The following OPA1 variants were observed in gnomAD, a reference collection of about 807,000 sequenced individuals.
OPA1 encodes the protein dynamin-like GTPase OPA1, mitochondrial.
A neutral mutation model predicts 152.9 loss-of-function variants in OPA1; 59 were observed. That is an observed-to-expected ratio of 0.39 (90% CI 0.31 to 0.48). The LOEUF is 0.48. Ranked by LOEUF, OPA1 falls within the 20% of genes least tolerant of loss-of-function variation. The probability of loss-of-function intolerance (pLI) is 0.96; values close to 1 mark genes in which losing one functional copy is unlikely to be tolerated. For synonymous variants in OPA1, 400 were observed against 389.9 expected (o/e 1.03, Z -0.31); for missense variants, 1,008 against 1,216.8 (o/e 0.83, Z 2.55).
At chr3:193,681,689 T>G (rs980884543) in intron 29 of OPA1, among the ~76,000 whole-genome samples, 2 of 152,218 alleles carry the variant, frequency 1.3e-5, no homozygotes, top group African/African-American at 4.8e-5. Flanking sequence ...ACTGTCACAT[T>G]TTGGTAATTC....
At chr3:193,656,524 G>A (rs942086378) in intron 22 of OPA1, among the ~76,000 whole-genome samples, 6 of 152,142 alleles carry the variant, frequency 3.9e-5, no homozygotes, top group Non-Finnish European at 5.9e-5. Flanking sequence ...TTAAAGTGTT[G>A]GTGCATTGCT....
rs74681383 is a variant in OPA1, at chr3:193,651,456, A to G, written c.2012+2585A>G. On this transcript the variant is annotated intron_variant, in intron 21 of 30. Coordinates refer to ENST00000361510, the MANE Select transcript of OPA1 (RefSeq NM_130837.3). The stretch of plus-strand genomic sequence containing the variant: ...ATGAAGAGTCTATTAAATAATGAGT[A>G]TGTTTATATTCAGTAATTACATTGC... 2.8e-3 allele frequency among the ~76,000 whole-genome samples: 429 copies of G among 152,310 alleles called. 3 individuals are homozygous for G. The highest frequency in any genetic ancestry group is 0.017 in the South Asian group (82 of 4,828).
chr3:193,625,765 A>G (rs140067897), intron 6 of OPA1, among the ~76,000 whole-genome samples: 38 of 151,838 alleles, frequency 2.5e-4, no homozygotes, highest in Admixed American at 3.9e-4. Flanking sequence ...GACCAGTAAG[A>G]TCAACACTGT....
intron 4 of OPA1, among the ~76,000 whole-genome samples, 187 bp downstream of exon 4, chr3:193,617,472 TAA>T (rs2108879835): frequency 6.6e-6 from 1 of 152,296 alleles, no homozygotes; most frequent in Admixed American, 6.5e-5. Flanking sequence ...TGTAGCCCAG[TAA>T]AATGACAGTT....
At chr3:193,652,393 AC>A (rs1336428490) in intron 21 of OPA1, among the ~76,000 whole-genome samples, 28 of 150,898 alleles carry the variant, frequency 1.9e-4, no homozygotes, top group East Asian at 5.9e-4. Context: ...AAACAAACAA[AC>A]AAAAAAAAAA....
chr3:193,643,925 T>A, intron 15 of OPA1, 50 bp from the exon 16 acceptor site: 1 of 1,594,780 alleles, frequency 6.3e-7, no homozygotes, highest in East Asian at 2.2e-5. Context: ...GTTTTAAAAG[T>A]CTACTTTACA....
chr3:193,620,621 AT>A (rs554706161), intron 6 of OPA1, among the ~76,000 whole-genome samples: 4 of 110,308 alleles, frequency 3.6e-5, no homozygotes, highest in African/African-American at 7.4e-5. Flanking sequence ...AGACTTACCA[AT>A]TTTTTTTTTA....
At chr3:193,595,581 T>G (rs922870458) in intron 1 of OPA1, among the ~76,000 whole-genome samples, 2 of 152,204 alleles carry the variant, frequency 1.3e-5, no homozygotes, top group African/African-American at 4.8e-5. Flanking sequence ...ACAATCTGAT[T>G]TTTTCATCTT....
Position 193,659,865 on chromosome 3 carries a change from G to A in OPA1, c.2520+304G>A, listed in dbSNP as rs926972362. 1.1e-4 allele frequency among the ~76,000 whole-genome samples: 16 copies of A among 152,040 alleles called. No homozygotes were observed. In the South Asian group the frequency reaches 3.3e-3, roughly 32 times the overall value. On this transcript the variant is annotated intron_variant, in intron 25 of 30. Coordinates refer to ENST00000361510, the MANE Select transcript of OPA1 (RefSeq NM_130837.3). Reference sequence around the variant, plus strand: ...AAAGGAAGATTAAAGTTATGAACAGGCCAGGCACGGTGTCTCATTCCTGTA... The same window carrying A: ...AAAGGAAGATTAAAGTTATGAACAGACCAGGCACGGTGTCTCATTCCTGTA...
intron 27 of OPA1, 106 bp downstream of exon 27, chr3:193,665,102 T>C (rs552833522): frequency 1.4e-6 from 1 of 692,724 alleles, no homozygotes; most frequent in South Asian, 1.6e-5. Context: ...TTTGATCATC[T>C]GGGGAAAAAA....
At chr3:193,694,308 A>G (rs1722054043) in intron 30 of OPA1, among the ~76,000 whole-genome samples, 1 of 152,256 alleles carries the variant, frequency 6.6e-6, no homozygotes, top group Non-Finnish European at 1.5e-5. Context: ...GTATAGTTTT[A>G]ACACATAGGA....
intron 9 of OPA1, among the ~76,000 whole-genome samples, chr3:193,636,003 A>G (rs1334425504): frequency 7.2e-5 from 11 of 152,194 alleles, no homozygotes; most frequent in Non-Finnish European, 1.6e-4. Context: ...TGGTATTGTT[A>G]CTATCAGCAC....
At chr3:193,680,593 A>G (rs1719976918) in intron 29 of OPA1, among the ~76,000 whole-genome samples, 1 of 152,214 alleles carries the variant, frequency 6.6e-6, no homozygotes, top group South Asian at 2.1e-4. Context: ...TACCTCTTTA[A>G]GAGCTGCCTG....
At chr3:193,635,174 G>A (rs1732746174) in intron 8 of OPA1, among the ~76,000 whole-genome samples, 1 of 152,116 alleles carries the variant, frequency 6.6e-6, no homozygotes, top group South Asian at 2.1e-4. Context: ...TTCAATGTGA[G>A]TAGCAAGGAA....
chr3:193,609,114 G>A (rs969229640), intron 1 of OPA1, among the ~76,000 whole-genome samples: 1 of 152,062 alleles, frequency 6.6e-6, no homozygotes, highest in Non-Finnish European at 1.5e-5. Flanking sequence ...CGTGAGATGG[G>A]TTTCCTGAAT....
intron 6 of OPA1, among the ~76,000 whole-genome samples, chr3:193,623,941 GT>G (rs1730604011): frequency 6.6e-6 from 1 of 152,170 alleles, no homozygotes; most frequent in South Asian, 2.1e-4. Context: ...TCTAATTCTT[GT>G]TTTCTTCCTA....
intron 9 of OPA1, among the ~76,000 whole-genome samples, chr3:193,635,859 T>C (rs1205738721): frequency 6.6e-6 from 1 of 152,220 alleles, no homozygotes; most frequent in African/African-American, 2.4e-5. Context: ...GACATGTAAG[T>C]GACTTATCAT....
chr3:193,598,096 C>A (rs994777564), intron 1 of OPA1, among the ~76,000 whole-genome samples: 1 of 152,008 alleles, frequency 6.6e-6, no homozygotes, highest in South Asian at 2.1e-4. Context: ...TAAATAAATA[C>A]CCTGTCTCAA....
intron 7 of OPA1, among the ~76,000 whole-genome samples, chr3:193,627,513 A>G (rs537926255): frequency 7.2e-5 from 11 of 152,194 alleles, no homozygotes; most frequent in African/African-American, 2.4e-4. Context: ...TAGTTTTGTT[A>G]TGGAAAGAAG....
Sources: allele counts gnomAD v4.1 joint callset (sites outside exome capture counted in the v4.1 genomes callset), GRCh38; gene constraint gnomAD v4.1.1; transcripts MANE v1.5; gene names NCBI Gene and HGNC (gene_info 2026-07-23, HGNC 2026-07-21).